Variants in PCDH15 observed in about 807,000 individuals in gnomAD.
PCDH15 encodes the protein protocadherin related 15, also known as protocadherin-15.
Under a neutral mutation model 178.5 loss-of-function variants are expected in PCDH15, and 129 were observed. That is an observed-to-expected ratio of 0.72 (90% CI 0.63 to 0.84). The LOEUF is 0.84. Among genes scored for constraint, PCDH15 ranks in the 40% least tolerant of loss-of-function variants. The pLI is 0.00. For missense variants in PCDH15, 2,230 were observed against 2,099.9 expected (o/e 1.06, Z -1.21); for synonymous variants, 800 against 732.0 (o/e 1.09, Z -1.50).
At chr10:55,265,064 C>T (rs1159411089) in intron 1 of PCDH15, among the ~76,000 whole-genome samples, 1 of 152,028 alleles carries the variant, frequency 6.6e-6, no homozygotes, top group Non-Finnish European at 1.5e-5. Context: ...CCTCTGGGTC[C>T]ACCCTGACTT....
chr10:55,297,740 C>T (rs1239392650), intron 1 of PCDH15, among the ~76,000 whole-genome samples: 2 of 151,948 alleles, frequency 1.3e-5, no homozygotes, highest in Non-Finnish European at 2.9e-5. Flanking sequence ...CCTATCTGAC[C>T]TCTAGGACCC....
chr10:53,955,882 C>T (rs1383549034), intron 23 of PCDH15, among the ~76,000 whole-genome samples: 1 of 152,060 alleles, frequency 6.6e-6, no homozygotes, highest in Non-Finnish European at 1.5e-5. Flanking sequence ...TGGCAGAAAC[C>T]ATTCTGTGCT....
At position 54,090,017 on chromosome 10, in the gene PCDH15, C is replaced by G; in HGVS notation, c.1964G>C (p.Gly655Ala). ...GDSITYAIEN[G>A]DPQRVFNLSE... Reference sequence around the variant, plus strand: ...AAGATTAAAAACTCTCTGAGGATCTCCATTCTCAATGGCATATGTTATTGA... The same window carrying G: ...AAGATTAAAAACTCTCTGAGGATCTGCATTCTCAATGGCATATGTTATTGA... Residue 655 changes from glycine to alanine, a missense_variant, in exon 16 of 38, where the codon GGA (glycine) becomes GCA (alanine). By Grantham distance (60) the Gly-to-Ala change is moderately conservative (BLOSUM62 0). Transcript: ENST00000644397. 6.2e-7 allele frequency: 1 copy of G among 1,612,512 alleles called. No individual in the cohort carries two copies. The highest frequency in any genetic ancestry group is 8.5e-7 in the Non-Finnish European group (1 of 1,178,930).
intron 1 of PCDH15, among the ~76,000 whole-genome samples, chr10:54,726,419 GGTGTGTGTGT>G (rs72051103): frequency 6.2e-4 from 12 of 19,460 alleles, no homozygotes; most frequent in African/African-American, 1.5e-3. Context: ...ACCCATCAGG[GGTGTGTGTGT>G]GTGTGTGTGT....
intron 2 of PCDH15, among the ~76,000 whole-genome samples, chr10:55,604,923 C>CA (rs1238807395): frequency 2.7e-4 from 41 of 150,904 alleles, no homozygotes; most frequent in African/African-American, 8.5e-4. Flanking sequence ...AATAGAGACA[C>CA]AAAAAACCCT....
chr10:55,504,385 T>A lies in PCDH15; in HGVS notation c.-156+123240A>T, dbSNP rs577350652. 2.6e-3 allele frequency among the ~76,000 whole-genome samples: 387 copies of A among 151,520 alleles called. 1 individual carries two copies. The highest frequency in any genetic ancestry group is 8.7e-3 in the African/African-American group (359 of 41,472). On this transcript the variant is annotated intron_variant, in intron 2 of 5. Transcript: ENST00000613346. ...GGATATATTTCATTATTTTTAAAAA[T>A]AACTAAAAAGTGCTCACATATTGTA...
intron 2 of PCDH15, among the ~76,000 whole-genome samples, chr10:55,064,112 T>A (rs1323842150): frequency 6.6e-6 from 1 of 152,104 alleles, no homozygotes; most frequent in Non-Finnish European, 1.5e-5. Context: ...GGGAAAATAT[T>A]AGTCACCATA....
intron 8 of PCDH15, among the ~76,000 whole-genome samples, chr10:54,261,820 G>A (rs1240674382): frequency 6.6e-6 from 1 of 152,182 alleles, no homozygotes; most frequent in African/African-American, 2.4e-5. Context: ...CCAAGGAGAT[G>A]CAGCTGGGAA....
At chr10:54,853,755 A>T (rs377159547) in intron 3 of PCDH15, among the ~76,000 whole-genome samples, 1 of 152,116 alleles carries the variant, frequency 6.6e-6, no homozygotes, top group Non-Finnish European at 1.5e-5. Flanking sequence ...TCTGTCAGGA[A>T]CCCATCAGGA....
chr10:53,827,350 TA>T, intron 32 of PCDH15, 42 bp downstream of exon 32: 1 of 1,566,680 alleles, frequency 6.4e-7, no homozygotes, highest in Middle Eastern at 1.7e-4. Flanking sequence ...CAGAATTCAG[TA>T]AAACCCAACT....
chr10:54,682,094 A>G (rs1170762975), intron 1 of PCDH15, among the ~76,000 whole-genome samples: 1 of 152,214 alleles, frequency 6.6e-6, no homozygotes, highest in African/African-American at 2.4e-5. Flanking sequence ...TTGCATAGGG[A>G]TGATGGACCA....
chr10:55,458,650 A>G (rs765858666), intron 2 of PCDH15, among the ~76,000 whole-genome samples: 1 of 152,060 alleles, frequency 6.6e-6, no homozygotes, highest in Non-Finnish European at 1.5e-5. Flanking sequence ...TAGGTAAAGC[A>G]TGATGAATAG....
chr10:53,887,139 C>T (rs1015989621), intron 26 of PCDH15, among the ~76,000 whole-genome samples: 1 of 152,184 alleles, frequency 6.6e-6, no homozygotes, highest in Non-Finnish European at 1.5e-5. Flanking sequence ...CTCCCTACCA[C>T]CCTGTCTTTC....
chr10:54,250,042 T>C (rs1388595384), intron 8 of PCDH15, among the ~76,000 whole-genome samples: 1 of 151,176 alleles, frequency 6.6e-6, no homozygotes, highest in East Asian at 1.9e-4. Context: ...ACCAGAGTAG[T>C]AGCTGGGACT....
chr10:55,046,882 T>C (rs80181392), intron 2 of PCDH15, among the ~76,000 whole-genome samples: 2,257 of 152,078 alleles, frequency 0.015, 63 homozygotes, highest in African/African-American at 0.051. Flanking sequence ...TAGAGTAATA[T>C]AGATCACATC....
intron 1 of PCDH15, among the ~76,000 whole-genome samples, chr10:54,676,919 C>T (rs547838766): frequency 6.6e-6 from 1 of 152,306 alleles, no homozygotes; most frequent in East Asian, 1.9e-4. Context: ...AGACTAGAAA[C>T]TCACTAATGT....
chr10:55,452,602 G>GA (rs1317590180), intron 2 of PCDH15, among the ~76,000 whole-genome samples: 1 of 151,906 alleles, frequency 6.6e-6, no homozygotes, highest in African/African-American at 2.4e-5. Context: ...TTCTTTTATG[G>GA]TGTATACTCC....
At chr10:55,454,904 C>T (rs561785368) in intron 2 of PCDH15, among the ~76,000 whole-genome samples, 26 of 151,320 alleles carry the variant, frequency 1.7e-4, no homozygotes, top group Non-Finnish European at 2.7e-4. Flanking sequence ...AGTTTTATTA[C>T]GAAATTAATA....
chr10:54,804,939 A>ATATATATATATATATATATATT (rs1408190387), upstream of PCDH15, among the ~76,000 whole-genome samples: 14 of 114,794 alleles, frequency 1.2e-4, 2 homozygotes, highest in Admixed American at 5.9e-4. Flanking sequence ...ATATATATAT[A>ATATATATATATATATATATATT]TATATATATA....
Sources: gnomAD v4.1 joint callset for allele counts (sites outside exome capture counted in the v4.1 genomes callset) on GRCh38, gnomAD v4.1.1 for gene constraint, MANE v1.5 for transcripts, NCBI Gene and HGNC (gene_info 2026-07-23, HGNC 2026-07-21) for gene names.